The following ZBBX variants were observed in gnomAD, a reference collection of about 807,000 sequenced individuals.
The protein encoded by ZBBX is zinc finger B-box domain-containing protein 1.
Under a neutral mutation model 108.5 loss-of-function variants are expected in ZBBX, and 101 were observed. The ratio of observed to expected loss-of-function variants is 0.93; its 90% CI spans 0.79 to 1.10. The LOEUF is 1.10. ZBBX is among the 50% of genes least tolerant of loss of function. The pLI, the probability that ZBBX is intolerant of heterozygous loss-of-function variation, is 0.00. For missense variants in ZBBX, 1,009 were observed against 941.4 expected, an observed-to-expected ratio of 1.07 and a Z score of -0.94; for synonymous variants, 356 against 323.4, an observed-to-expected ratio of 1.10 and a Z score of -1.08.
chr3:167,394,945 A>T (rs1001602186), intron 1 of ZBBX, among the ~76,000 whole-genome samples: 1 of 152,052 alleles, frequency 6.6e-6, no homozygotes, highest in Non-Finnish European at 1.5e-5. Flanking sequence ...TGAGTAAGTT[A>T]GCTCTGTCTT....
At chr3:167,358,707 C>CA (rs1744004887) in intron 8 of ZBBX, among the ~76,000 whole-genome samples, 1 of 151,804 alleles carries the variant, frequency 6.6e-6, no homozygotes, top group South Asian at 2.1e-4. Context: ...GAGGCAGAGG[C>CA]AGGCGGATCA....
intron 2 of ZBBX, among the ~76,000 whole-genome samples, chr3:167,377,463 G>A (rs979898973): frequency 2.6e-5 from 4 of 151,890 alleles, no homozygotes; most frequent in Non-Finnish European, 4.4e-5. Flanking sequence ...CCATAAATAG[G>A]GATTTTCCCT....
chr3:167,357,853 A>T (rs1328805118), intron 8 of ZBBX, among the ~76,000 whole-genome samples: 1 of 152,134 alleles, frequency 6.6e-6, no homozygotes, highest in Non-Finnish European at 1.5e-5. Flanking sequence ...GCCATAAAAA[A>T]TGATGAGTTC....
chr3:167,261,155 G>A (rs919029505), intron 20 of ZBBX, among the ~76,000 whole-genome samples: 9 of 152,154 alleles, frequency 5.9e-5, no homozygotes, highest in African/African-American at 2.2e-4. Flanking sequence ...ACTGGGTGTT[G>A]CCTGCCCAGC....
chr3:167,247,883 G>C (rs888485412), intron 20 of ZBBX, among the ~76,000 whole-genome samples: 1 of 152,154 alleles, frequency 6.6e-6, no homozygotes, highest in African/African-American at 2.4e-5. Context: ...CTGCGGGTAA[G>C]AAGCTCTGTT....
At chr3:167,381,915 T>C (rs868484813), upstream of ZBBX, among the ~76,000 whole-genome samples, 1 of 152,254 alleles carries the variant, frequency 6.6e-6, no homozygotes, top group African/African-American at 2.4e-5. Flanking sequence ...TTAGGGTAGA[T>C]GGCCAGGGAA....
In ZBBX at chr3:167,315,738, G is replaced by T. The variant is rs1392170924; in HGVS notation, c.1274+12C>A. The T allele has an allele frequency of 1.9e-5, 30 of 1,594,270 alleles. No homozygotes were observed. Among genetic ancestry groups the T allele is most frequent in the Non-Finnish European group, 2.6e-5 (30 of 1,167,144 alleles). On this transcript the variant is annotated intron_variant, in intron 15 of 21. Coordinates refer to ENST00000675490, the MANE Select transcript of ZBBX (RefSeq NM_001199201.2). ...CTCAATATGCACACAAAGTTAATTAGAAAGGTTTTACCTTCGTTGACTGTC... is the reference window on the plus strand; with the variant it reads ...CTCAATATGCACACAAAGTTAATTATAAAGGTTTTACCTTCGTTGACTGTC...
At chr3:167,186,579 G>T in the ZBBX span, among the ~76,000 whole-genome samples, 12 of 152,050 alleles carry the variant, frequency 7.9e-5, no homozygotes, top group Non-Finnish European at 1.3e-4. Flanking sequence ...TACTCCCAAG[G>T]TACCTGCAAC....
intron 10 of ZBBX, 89 bp from the exon 11 acceptor site, chr3:167,328,205 A>G: frequency 7.6e-7 from 1 of 1,310,260 alleles, no homozygotes; most frequent in Non-Finnish European, 1.0e-6. Flanking sequence ...TGTGTTTTAA[A>G]ATACAGGTAG....
intron 15 of ZBBX, 42 bp downstream of exon 15, chr3:167,315,708 G>A (rs757521910): frequency 2.4e-5 from 33 of 1,374,020 alleles, no homozygotes; most frequent in Non-Finnish European, 3.3e-5. Context: ...TGTGTCAGGA[G>A]GGGGCTCAAT....
At chr3:167,284,274 A>G (rs886311882) in intron 19 of ZBBX, among the ~76,000 whole-genome samples, 6 of 151,728 alleles carry the variant, frequency 4.0e-5, no homozygotes, top group Non-Finnish European at 5.9e-5. Context: ...TATAATATGT[A>G]AAGAACCATA....
chr3:167,248,981 AAAG>A (rs1407912430), intron 20 of ZBBX, among the ~76,000 whole-genome samples: 1 of 152,224 alleles, frequency 6.6e-6, no homozygotes, highest in Admixed American at 6.5e-5. Flanking sequence ...GTCTTTGTTG[AAAG>A]AAGAAAGGGA....
the ZBBX span, among the ~76,000 whole-genome samples, chr3:167,225,959 T>C: frequency 6.6e-6 from 1 of 151,488 alleles, no homozygotes; most frequent in Non-Finnish European, 1.5e-5. Context: ...TTCAGGTGGA[T>C]ATAGATCCCT....
At chr3:167,230,502 G>A in the ZBBX span, among the ~76,000 whole-genome samples, 1 of 151,788 alleles carries the variant, frequency 6.6e-6, no homozygotes, top group South Asian at 2.1e-4. Context: ...TTTATATACA[G>A]TGGCCAGTAA....
chr3:167,257,185 G>T (rs960552337), intron 20 of ZBBX, among the ~76,000 whole-genome samples: 4 of 152,062 alleles, frequency 2.6e-5, no homozygotes, highest in African/African-American at 9.7e-5. Flanking sequence ...ATTACAAATG[G>T]AATTAGTTTT....
At chr3:167,355,364 C>T (rs910234616) in intron 8 of ZBBX, among the ~76,000 whole-genome samples, 1 of 151,832 alleles carries the variant, frequency 6.6e-6, no homozygotes, top group Non-Finnish European at 1.5e-5. Flanking sequence ...TTACTGTTAT[C>T]CGTAGTAACC....
chr3:167,397,011 G>A (rs17472559), intron 1 of ZBBX, among the ~76,000 whole-genome samples: 2 of 151,004 alleles, frequency 1.3e-5, no homozygotes, highest in Non-Finnish European at 3.0e-5. Flanking sequence ...GACATGGAAA[G>A]GATGGCATTG....
chr3:167,223,441 A>G, the ZBBX span, among the ~76,000 whole-genome samples: 3 of 152,006 alleles, frequency 2.0e-5, no homozygotes, highest in Non-Finnish European at 4.4e-5. Context: ...CTATAAGTCA[A>G]ACATCCTGGG....
upstream of ZBBX, chr3:167,381,456 C>CCAGG (rs1747713515): frequency 6.6e-6 from 1 of 152,134 alleles, no homozygotes; most frequent in South Asian, 2.1e-4. Context: ...TAGCTCTAAG[C>CCAGG]CAGGCCCATA....
Sources: gnomAD v4.1 joint callset for allele counts (sites outside exome capture counted in the v4.1 genomes callset) on GRCh38, gnomAD v4.1.1 for gene constraint, MANE v1.5 for transcripts, NCBI Gene and HGNC (gene_info 2026-07-23, HGNC 2026-07-21) for gene names.